The following RNGTT variants were observed in gnomAD, a reference collection of about 807,000 sequenced individuals.
RNGTT encodes mRNA-capping enzyme.
A neutral mutation model predicts 79.3 loss-of-function variants in RNGTT; 33 were observed. The ratio of observed to expected loss-of-function variants is 0.42; its 90% confidence interval spans 0.32 to 0.56. RNGTT has a LOEUF of 0.56. RNGTT is among the 20% of genes least tolerant of loss of function. The pLI is 0.17. For missense variants in RNGTT, 497 were observed against 739.1 expected (o/e 0.67, Z 3.80); for synonymous variants, 222 against 235.9 (o/e 0.94, Z 0.54).
intron 4 of RNGTT, among the ~76,000 whole-genome samples, chr6:88,927,492 G>C (rs993129363): frequency 4.6e-5 from 7 of 152,054 alleles, no homozygotes; most frequent in Non-Finnish European, 1.0e-4. Context: ...GAGAAACCCT[G>C]TCTCTACTAA....
chr6:88,910,756 C>T (rs1783804680), intron 4 of RNGTT, among the ~76,000 whole-genome samples: 1 of 152,094 alleles, frequency 6.6e-6, no homozygotes, highest in Non-Finnish European at 1.5e-5. Flanking sequence ...GTCATATCAC[C>T]TATAAAGGGA....
chr6:88,821,345 A>G (rs1330224454), intron 11 of RNGTT, among the ~76,000 whole-genome samples: 2 of 152,172 alleles, frequency 1.3e-5, no homozygotes, highest in Admixed American at 1.3e-4. Flanking sequence ...TAGAAACACT[A>G]AAGAAAAAAA....
intron 1 of RNGTT, among the ~76,000 whole-genome samples, chr6:88,942,193 C>G (rs563812417): frequency 6.6e-6 from 1 of 152,176 alleles, no homozygotes; most frequent in East Asian, 1.9e-4. Flanking sequence ...GGATAAAGAC[C>G]ATGCTAGAAT....
Position 88,777,402 on chromosome 6 carries a change from G to A in RNGTT, c.1339-7528C>T, listed in dbSNP as rs539245179. Among the ~76,000 whole-genome samples, 60 of 152,246 alleles carry A rather than the reference G, an allele frequency of 3.9e-4. 2 individuals are homozygous for A. The highest frequency in any genetic ancestry group is 2.0e-4 in the Admixed American group (3 of 15,288). ...AAAAAATGTCATTGGTATTTGGATA[G>A]GGATTGCACCAAATCTGTGTATCAC... On this transcript the variant is annotated intron_variant, in intron 12 of 15. Transcript: ENST00000369485.
At chr6:88,916,967 C>G (rs1784019731) in intron 4 of RNGTT, among the ~76,000 whole-genome samples, 1 of 152,206 alleles carries the variant, frequency 6.6e-6, no homozygotes, top group Non-Finnish European at 1.5e-5. Context: ...CTACTTAACC[C>G]TTCTGAATCA....
intron 12 of RNGTT, among the ~76,000 whole-genome samples, chr6:88,781,869 T>C (rs1337973512): frequency 6.6e-6 from 1 of 152,056 alleles, no homozygotes; most frequent in Non-Finnish European, 1.5e-5. Flanking sequence ...ACCAATTCCA[T>C]ATTCCACCAA....
At chr6:88,855,512 G>A (rs1407263537) in intron 8 of RNGTT, among the ~76,000 whole-genome samples, 2 of 148,416 alleles carry the variant, frequency 1.3e-5, no homozygotes. Context: ...AAAAAAAAAA[G>A]TGAAAAAAGA....
intron 15 of RNGTT, among the ~76,000 whole-genome samples, chr6:88,613,577 T>C (rs1772112399): frequency 6.6e-6 from 1 of 152,204 alleles, no homozygotes. Flanking sequence ...GCTTATCATA[T>C]CATCATCATC....
chr6:88,712,610 T>C (rs1246795546), intron 13 of RNGTT, among the ~76,000 whole-genome samples: 1 of 152,226 alleles, frequency 6.6e-6, no homozygotes, highest in East Asian at 1.9e-4. Context: ...GTGTGCCTGA[T>C]AATACTTTAG....
At chr6:88,788,171 T>C (rs557280499) in intron 12 of RNGTT, among the ~76,000 whole-genome samples, 75 of 152,226 alleles carry the variant, frequency 4.9e-4, no homozygotes, top group African/African-American at 7.7e-4. Context: ...GGGGCTTACA[T>C]AGAAATCTGA....
intron 8 of RNGTT, among the ~76,000 whole-genome samples, chr6:88,872,005 C>A (rs183555932): frequency 6.6e-5 from 10 of 152,200 alleles, no homozygotes; most frequent in Non-Finnish European, 1.0e-4. Context: ...GAAGCCTATT[C>A]TCCACCTTCC....
At chr6:88,953,663 C>T (rs1785332020) in intron 1 of RNGTT, among the ~76,000 whole-genome samples, 1 of 152,138 alleles carries the variant, frequency 6.6e-6, no homozygotes, top group African/African-American at 2.4e-5. Flanking sequence ...TACCTAGGCA[C>T]ATAGTTATCA....
Position 88,941,092 on chromosome 6 carries a change from T to C in RNGTT, c.153A>G (p.Ser51=), listed in dbSNP as rs1349766649. Residue 51 remains serine, a synonymous_variant, in exon 2 of 16, where the codon TCA becomes TCG. Coordinates refer to ENST00000369485, the MANE Select transcript of RNGTT (RefSeq NM_003800.5). ...EENRFHPSML[S]NYLKSLKVKM... is the part of the protein sequence containing the mutation. ...TTACCTTTAGGCTCTTTAGGTAATT[T>C]GAGAGCATGCTGGGATGGAACCGAT... 4 of 1,610,332 alleles carry C rather than the reference T, an allele frequency of 2.5e-6. No homozygotes were observed. The Middle Eastern group carries it at 5.0e-4, about 200-fold the overall frequency.
chr6:88,685,995 A>G (rs995638926), intron 13 of RNGTT, among the ~76,000 whole-genome samples: 1 of 151,566 alleles, frequency 6.6e-6, no homozygotes, highest in Admixed American at 6.6e-5. Context: ...AAAAAAGCTC[A>G]CATTATTCAT....
intron 4 of RNGTT, among the ~76,000 whole-genome samples, chr6:88,924,678 T>C (rs1033324538): frequency 1.3e-5 from 2 of 151,992 alleles, no homozygotes; most frequent in Admixed American, 1.3e-4. Context: ...TTTGTTGTTG[T>C]TGTTTTATGT....
chr6:88,725,053 G>A (rs1434752581), intron 13 of RNGTT, among the ~76,000 whole-genome samples: 1 of 152,184 alleles, frequency 6.6e-6, no homozygotes, highest in Non-Finnish European at 1.5e-5. Context: ...TTGCCTTGCT[G>A]AGAATTAAAA....
chr6:88,794,615 T>C (rs1202018258), intron 12 of RNGTT, among the ~76,000 whole-genome samples: 1 of 152,062 alleles, frequency 6.6e-6, no homozygotes, highest in Non-Finnish European at 1.5e-5. Context: ...GCCCATAGAT[T>C]TTTGTGAGGC....
At chr6:88,824,647 T>C (rs969851920) in intron 11 of RNGTT, among the ~76,000 whole-genome samples, 9 of 152,134 alleles carry the variant, frequency 5.9e-5, no homozygotes, top group Non-Finnish European at 1.0e-4. Flanking sequence ...ATTTTCATCT[T>C]ATAGAAAGTT....
At chr6:88,777,322 T>G (rs1291406560) in intron 12 of RNGTT, among the ~76,000 whole-genome samples, 1 of 152,178 alleles carries the variant, frequency 6.6e-6, no homozygotes, top group Admixed American at 6.5e-5. Context: ...TGCTTTGGCT[T>G]TTTCAGGGTT....
Sources: allele counts gnomAD v4.1 joint callset (sites outside exome capture counted in the v4.1 genomes callset), GRCh38; gene constraint gnomAD v4.1.1; transcripts MANE v1.5; gene names NCBI Gene and HGNC (gene_info 2026-07-23, HGNC 2026-07-21).